LHPP: variants seen among roughly 807,000 people sequenced by gnomAD.
LHPP encodes phospholysine phosphohistidine inorganic pyrophosphate phosphatase.
In LHPP, 24 loss-of-function variants were observed where a neutral mutation model predicts 30.3. The ratio of observed to expected loss-of-function variants is 0.79; its 90% CI spans 0.57 to 1.11. The LOEUF (loss-of-function observed/expected upper bound fraction) is 1.11, where lower values mean the gene tolerates loss of function less well. Among genes scored for constraint, LHPP ranks in the 50% most tolerant of loss-of-function variants. The pLI is 0.00. For missense variants in LHPP, 356 were observed against 367.2 expected (o/e 0.97, Z 0.25); for synonymous variants, 150 against 157.1 (o/e 0.95, Z 0.34).
intron 6 of LHPP, among the ~76,000 whole-genome samples, chr10:124,574,326 C>T (rs1380095522): frequency 6.6e-6 from 1 of 152,162 alleles, no homozygotes; most frequent in African/African-American, 2.4e-5. Flanking sequence ...CAGGCTCGCC[C>T]CCCTGCGAGG....
Position 124,614,030 on chromosome 10 carries a change from T to C in LHPP, c.*670T>C, listed in dbSNP as rs1794642687. The stretch of plus-strand genomic sequence containing the variant: ...CACAGTGAGAACTGTAGCCTCTGCG[T>C]CCAAGGCACACAGGGTACTTTCTGG... On this transcript the variant is annotated 3_prime_UTR_variant, in exon 7 of 7. Coordinates refer to ENST00000368842, the MANE Select transcript of LHPP (RefSeq NM_022126.4). 1 of 153,084 alleles carries C rather than the reference T, an allele frequency of 6.5e-6. No individual in the cohort carries two copies. Among genetic ancestry groups the C allele is most frequent in the Non-Finnish European group, 1.5e-5 (1 of 68,708 alleles). The allele number at this position is 153,084 out of a possible 1,614,324, so 9.5% of individuals were successfully genotyped here. A position where few individuals can be genotyped will look rare whatever the true frequency, so the allele number is the denominator to read the frequency against.
At chr10:124,563,315 T>TTTC (rs1948431720) in intron 6 of LHPP, among the ~76,000 whole-genome samples, 1 of 146,476 alleles carries the variant, frequency 6.8e-6, no homozygotes, top group African/African-American at 2.6e-5. Flanking sequence ...CTCTTTTTCT[T>TTTC]TTTTTTTTTT....
chr10:124,580,240 T>C lies in LHPP; in HGVS notation c.717-33024T>C, dbSNP rs79104839. ...TTTCCACTTTGTTTATGGCCTCTTA[T>C]TGGGACACAGTTTTAAATTAAAATA... On this transcript the variant is annotated intron_variant, in intron 6 of 6. Transcript: ENST00000368842. 8.1e-3 allele frequency among the ~76,000 whole-genome samples: 1,239 copies of C among 152,362 alleles called. 14 individuals carry two copies. The highest frequency in any genetic ancestry group is 0.028 in the African/African-American group (1,176 of 41,580).
At chr10:124,613,130 G>A (rs182429900) in intron 6 of LHPP, 134 bp from the exon 7 acceptor site, 18 of 723,608 alleles carry the variant, frequency 2.5e-5, no homozygotes, top group African/African-American at 1.2e-4. Flanking sequence ...CAGTGGCCAC[G>A]GGCCAGGCTG....
intron 5 of LHPP, among the ~76,000 whole-genome samples, chr10:124,499,941 T>C (rs974972660): frequency 1.3e-5 from 2 of 152,006 alleles, no homozygotes; most frequent in African/African-American, 4.8e-5. Context: ...CTGGGAAATG[T>C]CACATTAGTC....
At chr10:124,530,041 G>A (rs1954853731) in intron 6 of LHPP, among the ~76,000 whole-genome samples, 1 of 151,998 alleles carries the variant, frequency 6.6e-6, no homozygotes, top group Non-Finnish European at 1.5e-5. Flanking sequence ...CATCCCATGA[G>A]GCCGTCCAAG....
rs148971418 is a variant in LHPP at position 124,527,566 on chromosome 10, G to C, written c.716+10295G>C. On this transcript the variant is annotated intron_variant, in intron 6 of 6. Coordinates refer to ENST00000368842, the MANE Select transcript of LHPP (RefSeq NM_022126.4). The stretch of plus-strand genomic sequence containing the variant: ...CTGGGGTGCCCTTTGCCCAGGCCCA[G>C]CCTGGTAGCCCCGGGTGCTCTCCCT... Among the ~76,000 whole-genome samples the C allele has an allele frequency of 2.6e-5, 4 of 152,248 alleles. No individual in the cohort carries two copies. In the East Asian group the frequency reaches 7.8e-4, roughly 30 times the overall value.
chr10:124,501,431 G>A (rs759511420), intron 5 of LHPP, among the ~76,000 whole-genome samples: 22 of 151,324 alleles, frequency 1.5e-4, no homozygotes, highest in Non-Finnish European at 2.6e-4. Flanking sequence ...GTGAAACCCC[G>A]TCTCCACTAA....
intron 5 of LHPP, chr10:124,498,623 TC>T (rs1410755166): frequency 7.1e-6 from 5 of 700,152 alleles, no homozygotes; most frequent in African/African-American, 1.8e-5. Flanking sequence ...CCTAAGTGAG[TC>T]TGGCTTCGTC....
Position 124,590,740 on chromosome 10 carries a change from T to C in LHPP, c.717-22524T>C, listed in dbSNP as rs1948873423. Among the ~76,000 whole-genome samples, 1 of 152,154 alleles carries C rather than the reference T, an allele frequency of 6.6e-6. No individual in the cohort carries two copies. Among genetic ancestry groups the C allele is most frequent in the Admixed American group, 6.5e-5 (1 of 15,270 alleles). ...CCAGCGCTGCCACCTGCCTGCCTCCTCTGCCACCGAGGGAAGCCATGTCGC... is the reference window on the plus strand; with the variant it reads ...CCAGCGCTGCCACCTGCCTGCCTCCCCTGCCACCGAGGGAAGCCATGTCGC... On this transcript the variant is annotated intron_variant, in intron 6 of 6. Coordinates refer to ENST00000368842, the MANE Select transcript of LHPP (RefSeq NM_022126.4). This position sits in a 1 kb window ranked among gnomAD's most constrained non-coding sequence, Gnocchi z 4.3.
At chr10:124,497,425 T>C (rs1236087005) in intron 4 of LHPP, among the ~76,000 whole-genome samples, 1 of 152,120 alleles carries the variant, frequency 6.6e-6, no homozygotes, top group Admixed American at 6.5e-5. Flanking sequence ...ACCCTGGGCA[T>C]CTGCAGCACC....
intron 6 of LHPP, among the ~76,000 whole-genome samples, chr10:124,601,501 G>A (rs942014): frequency 0.59 from 90,402 of 152,028 alleles, 27,071 homozygotes; most frequent in East Asian, 0.68. Flanking sequence ...GCCACGTGAG[G>A]GAGTCTCTGG....
At chr10:124,613,097 G>C in intron 6 of LHPP, 167 bp from the exon 7 acceptor site, 2 of 653,728 alleles carry the variant, frequency 3.1e-6, no homozygotes, top group Non-Finnish European at 5.6e-6. Context: ...GCCTGAGTAG[G>C]GCAGGGGGAG....
At chr10:124,610,468 G>GCGGGTGAGGGTGCGGGTGAGGGTGCT (rs1949163766) in intron 6 of LHPP, among the ~76,000 whole-genome samples, 5 of 47,060 alleles carry the variant, frequency 1.1e-4, no homozygotes, top group Admixed American at 2.6e-4. Flanking sequence ...GTGAGGGTGA[G>GCGGGTGAGGGTGCGGGTGAGGGTGCT]GGTGCTGATG....
intron 6 of LHPP, chr10:124,526,206 C>G (rs1589829946): frequency 1.0e-6 from 1 of 985,290 alleles, no homozygotes; most frequent in Non-Finnish European, 1.2e-6. Context: ...CACACGTGCT[C>G]TTCTCCCAAG....
intron 6 of LHPP, among the ~76,000 whole-genome samples, chr10:124,564,424 A>AT (rs898282645): frequency 4.3e-4 from 63 of 146,088 alleles, no homozygotes; most frequent in East Asian, 1.8e-3. Flanking sequence ...CGCCCGGCCA[A>AT]TTTTTTTTTT....
At chr10:124,516,134 G>T (rs116255398) in intron 5 of LHPP, among the ~76,000 whole-genome samples, 1,528 of 152,360 alleles carry the variant, frequency 0.01, 26 homozygotes, top group African/African-American at 0.035. Flanking sequence ...TTCAACAGCA[G>T]AAACTTTTTT....
chr10:124,499,137 C>T (rs562780040), intron 5 of LHPP, among the ~76,000 whole-genome samples: 63 of 152,012 alleles, frequency 4.1e-4, no homozygotes, highest in Non-Finnish European at 4.7e-4. Flanking sequence ...GCCTTGGCCT[C>T]TCAAAGTGCT....
chr10:124,581,536 A>G (rs1948741853), intron 6 of LHPP, among the ~76,000 whole-genome samples: 1 of 152,180 alleles, frequency 6.6e-6, no homozygotes. Context: ...GTAGTGTATG[A>G]GGGCTGATTT....
Sources: allele counts gnomAD v4.1 joint callset (sites outside exome capture counted in the v4.1 genomes callset), GRCh38; gene constraint gnomAD v4.1.1; non-coding constraint Gnocchi (gnomAD v3.1); transcripts MANE v1.5; gene names NCBI Gene and HGNC (gene_info 2026-07-23, HGNC 2026-07-21).